PCDH7: variants seen among roughly 807,000 people sequenced by gnomAD.
The protein encoded by PCDH7 is protocadherin 7.
PCDH7 carries 17 observed loss-of-function variants against 58.9 expected under a neutral mutation model. That is an observed-to-expected ratio of 0.29 (90% CI 0.20 to 0.43). The LOEUF (loss-of-function observed/expected upper bound fraction) is 0.43, where lower values mean the gene tolerates loss of function less well. PCDH7 is among the 20% of genes least tolerant of loss of function. PCDH7 has a pLI of 1.00. For synonymous variants in PCDH7, 664 were observed against 616.4 expected (o/e 1.08, Z -1.14); for missense variants, 1,274 against 1,441.0 (o/e 0.88, Z 1.88).
intron 3 of PCDH7, among the ~76,000 whole-genome samples, chr4:31,139,157 T>C (rs564319289): frequency 4.5e-4 from 68 of 152,276 alleles, no homozygotes; most frequent in African/African-American, 1.6e-3. Flanking sequence ...GATACCATTT[T>C]TTTACTTCCA....
chr4:31,095,654 G>A (rs1362792680), intron 3 of PCDH7, among the ~76,000 whole-genome samples: 2 of 152,140 alleles, frequency 1.3e-5, no homozygotes, highest in African/African-American at 4.8e-5. Context: ...CTGTCAGAGA[G>A]CCAAGGACTG....
intron 1 of PCDH7, among the ~76,000 whole-genome samples, chr4:30,900,202 G>A (rs1370068665): frequency 1.3e-5 from 2 of 152,154 alleles, no homozygotes; most frequent in African/African-American, 4.8e-5. Flanking sequence ...GGAAACTGAA[G>A]TTTAGAGGGG....
downstream of PCDH7, chr4:31,145,064 T>A (rs1355560050): frequency 2.0e-5 from 3 of 152,074 alleles, no homozygotes; most frequent in Non-Finnish European, 4.4e-5. Context: ...TTTTTTTTTT[T>A]TAATGCATTT....
chr4:30,757,237 CT>C (rs35711551), intron 1 of PCDH7, among the ~76,000 whole-genome samples: 2 of 152,174 alleles, frequency 1.3e-5, no homozygotes. Context: ...CATTCTGCTC[CT>C]TTTTCTAGGC....
At chr4:30,928,309 T>C (rs1033194416) in intron 2 of PCDH7, among the ~76,000 whole-genome samples, 10 of 152,224 alleles carry the variant, frequency 6.6e-5, no homozygotes, top group African/African-American at 2.4e-4. Flanking sequence ...TAAAATACTT[T>C]CCATTGTTAC....
chr4:30,949,514 A>G (rs946996709), intron 2 of PCDH7, among the ~76,000 whole-genome samples: 1 of 152,176 alleles, frequency 6.6e-6, no homozygotes, highest in Non-Finnish European at 1.5e-5. Flanking sequence ...AGATTAAACC[A>G]TGTCCACAAA....
chr4:31,058,816 C>T (rs1757460098), intron 3 of PCDH7, among the ~76,000 whole-genome samples: 1 of 151,858 alleles, frequency 6.6e-6, no homozygotes, highest in Non-Finnish European at 1.5e-5. Context: ...ATTCCAGAGA[C>T]AGTCATTCGA....
intron 1 of PCDH7, among the ~76,000 whole-genome samples, chr4:30,820,048 A>C (rs1281594604): frequency 1.3e-5 from 2 of 152,126 alleles, no homozygotes; most frequent in Non-Finnish European, 2.9e-5. Flanking sequence ...AAGATTCAAC[A>C]TCCAAAATAA....
chr4:30,803,334 G>A (rs1725770167), intron 1 of PCDH7, among the ~76,000 whole-genome samples: 1 of 152,064 alleles, frequency 6.6e-6, no homozygotes, highest in African/African-American at 2.4e-5. Context: ...CCTAAATAGG[G>A]GAATATGTCA....
At chr4:30,779,003 GTTTTTTTTTTTT>G (rs386399674) in intron 1 of PCDH7, among the ~76,000 whole-genome samples, 3 of 73,008 alleles carry the variant, frequency 4.1e-5, no homozygotes, top group Non-Finnish European at 7.2e-5. Context: ...TCCTTACTCC[GTTTTTTTTTTTT>G]TTTTTTTTTT....
intron 3 of PCDH7, among the ~76,000 whole-genome samples, chr4:31,016,790 T>C (rs1753638230): frequency 6.6e-6 from 1 of 151,674 alleles, no homozygotes; most frequent in Non-Finnish European, 1.5e-5. Context: ...CTATTGTGTG[T>C]GTGTGTGTGC....
At chr4:30,943,573 T>A (rs1746312843) in intron 2 of PCDH7, among the ~76,000 whole-genome samples, 2 of 152,060 alleles carry the variant, frequency 1.3e-5, no homozygotes, top group African/African-American at 4.8e-5. Context: ...TTCATCAGAG[T>A]GGTCTTAACC....
intron 3 of PCDH7, among the ~76,000 whole-genome samples, chr4:31,113,756 T>C (rs1486839584): frequency 6.6e-6 from 1 of 152,088 alleles, no homozygotes; most frequent in Non-Finnish European, 1.5e-5. Flanking sequence ...AAATAACTCT[T>C]AGGGACCATC....
intron 1 of PCDH7, among the ~76,000 whole-genome samples, chr4:30,909,116 G>A (rs909611090): frequency 2.0e-5 from 3 of 152,080 alleles, no homozygotes; most frequent in African/African-American, 2.4e-5. Flanking sequence ...AAAGACCTTA[G>A]ATAAAATTCA....
intron 3 of PCDH7, among the ~76,000 whole-genome samples, chr4:30,968,328 T>C (rs1305670200): frequency 8.7e-6 from 1 of 115,094 alleles, no homozygotes; most frequent in Non-Finnish European, 1.7e-5. Flanking sequence ...ACTATATATA[T>C]ATATACACAC....
At chr4:30,992,672 G>C (rs1469784363) in intron 3 of PCDH7, among the ~76,000 whole-genome samples, 1 of 151,490 alleles carries the variant, frequency 6.6e-6, no homozygotes, top group East Asian at 1.9e-4. Context: ...GTTACCAGAA[G>C]AGACAGAAAA....
chr4:30,764,354 C>T (rs1720421306), intron 1 of PCDH7, among the ~76,000 whole-genome samples: 1 of 152,100 alleles, frequency 6.6e-6, no homozygotes, highest in African/African-American at 2.4e-5. Flanking sequence ...TTAATGGGTA[C>T]TTTACCATAT....
chr4:31,135,856 T>C (rs796124262), intron 3 of PCDH7, among the ~76,000 whole-genome samples: 2 of 152,184 alleles, frequency 1.3e-5, no homozygotes, highest in South Asian at 2.1e-4. Context: ...CCTTTTGTTT[T>C]CCTAAGATAT....
chr4:30,729,192 CCA>C (rs1715108526), intron 1 of PCDH7, among the ~76,000 whole-genome samples: 1 of 151,738 alleles, frequency 6.6e-6, no homozygotes, highest in African/African-American at 2.4e-5. Context: ...AATGTAGTGT[CCA>C]GTATTCTTAT....
Sources: gnomAD v4.1 joint callset for allele counts (sites outside exome capture counted in the v4.1 genomes callset) on GRCh38, gnomAD v4.1.1 for gene constraint, MANE v1.5 for transcripts, NCBI Gene and HGNC (gene_info 2026-07-23, HGNC 2026-07-21) for gene names.